TMPRSS5: variants seen among roughly 807,000 people sequenced by gnomAD.
The protein encoded by TMPRSS5 is transmembrane protease serine 5.
Under a neutral mutation model 59.7 loss-of-function variants are expected in TMPRSS5, and 45 were observed. The ratio of observed to expected loss-of-function variants is 0.75; its 90% CI spans 0.59 to 0.97. The LOEUF is 0.97. Among genes scored for constraint, TMPRSS5 ranks in the 50% least tolerant of loss-of-function variants. TMPRSS5 has a pLI of 0.00. For missense variants in TMPRSS5, 585 were observed against 596.7 expected, an observed-to-expected ratio of 0.98 and a Z score of 0.20; for synonymous variants, 225 against 232.0, an observed-to-expected ratio of 0.97 and a Z score of 0.27.
At chr11:113,699,256 T>TCTCTCC (rs1953037072) in intron 3 of TMPRSS5, among the ~76,000 whole-genome samples, 2 of 39,758 alleles carry the variant, frequency 5.0e-5, no homozygotes, top group Admixed American at 2.8e-4. Flanking sequence ...TCTCTCTCTC[T>TCTCTCC]CTCTCTCTCT....
intron 11 of TMPRSS5, 63 bp downstream of exon 11, chr11:113,690,168 G>A (rs1396649943): frequency 5.9e-6 from 6 of 1,016,210 alleles, no homozygotes; most frequent in Non-Finnish European, 7.2e-6. Flanking sequence ...AGTCACAGCA[G>A]GCCCCCTGCC....
chr11:113,696,781 C>G, intron 6 of TMPRSS5, 77 bp downstream of exon 6: 1 of 999,012 alleles, frequency 1.0e-6, no homozygotes, highest in East Asian at 2.6e-5. Context: ...ACCGGCATCC[C>G]AAGAAAGGAG....
intron 1 of TMPRSS5, among the ~76,000 whole-genome samples, chr11:113,703,638 C>T (rs1479688318): frequency 2.6e-5 from 4 of 152,198 alleles, no homozygotes; most frequent in African/African-American, 9.7e-5. Flanking sequence ...ATTGTAATTA[C>T]CACGCACTGG....
rs1480318644 is a variant in TMPRSS5, at chr11:113,689,893, A to C, written c.1231T>G (p.Cys411Gly). The C allele has an allele frequency of 3.2e-6, 5 of 1,568,040 alleles. No homozygotes were observed. ...AGGCGCCATGTGTCCCCATCTGGGC[A>C]CACTAGGGGGCCCCCGCTATCTCCC... Reference protein sequence around the residue: ...CQGDSGGPLVCPDGDTWRLVG... With the variant: ...CQGDSGGPLVGPDGDTWRLVG... Residue 411 changes from cysteine to glycine, a missense_variant, in exon 12 of 13, where the codon TGC (cysteine) becomes GGC (glycine). Physicochemically the swap from Cys to Gly is radical, Grantham distance 159. Coordinates refer to ENST00000299882, the MANE Select transcript of TMPRSS5 (RefSeq NM_030770.4).
chr11:113,702,897 A>G (rs1953183443), intron 1 of TMPRSS5, among the ~76,000 whole-genome samples: 1 of 152,230 alleles, frequency 6.6e-6, no homozygotes. Context: ...CAGAGGATGT[A>G]TGGAAACACC....
chr11:113,694,743 G>T (rs1211092477), intron 7 of TMPRSS5, 103 bp from the exon 8 acceptor site: 3 of 1,158,904 alleles, frequency 2.6e-6, no homozygotes, highest in Non-Finnish European at 3.6e-6. Flanking sequence ...CAGAGAGCCA[G>T]TGTGGACAGC....
At position 113,693,266 on chromosome 11, in the gene TMPRSS5, T is replaced by C; in HGVS notation, c.786-17A>G. ...AGCCTGAAACTGCACACAGGGGCCA[T>C]GCTGAGCGGGGAAGGAAGGGGCAGA... On this transcript the variant is annotated splice_polypyrimidine_tract_variant and intron_variant, in intron 8 of 12. Coordinates refer to ENST00000299882, the MANE Select transcript of TMPRSS5 (RefSeq NM_030770.4). 3 of 1,528,282 alleles carry C rather than the reference T, an allele frequency of 2.0e-6. No individual in the cohort carries two copies. Among genetic ancestry groups the C allele is most frequent in the Admixed American group, 2.0e-5 (1 of 49,208 alleles). 94.7% of individuals were successfully genotyped at this position (1,528,282 alleles called of 1,614,324 possible).
chr11:113,700,202 C>T, intron 1 of TMPRSS5, 34 bp from the exon 2 acceptor site: 1 of 1,488,336 alleles, frequency 6.7e-7, no homozygotes, highest in East Asian at 2.4e-5. Flanking sequence ...CCAGGATCCC[C>T]ACATCAAGGA....
intron 6 of TMPRSS5, 88 bp from the exon 7 acceptor site, chr11:113,695,531 G>T: frequency 7.5e-7 from 1 of 1,327,468 alleles, no homozygotes; most frequent in Non-Finnish European, 1.1e-6. Flanking sequence ...GGGGAGGCTG[G>T]TGGGGGTGGT....
In TMPRSS5 at chr11:113,691,892, C is replaced by CTTTTTTTTTTTTTTTTTTTTTTTTTTTTT. The variant is rs58784708; in HGVS notation, c.965-954_965-953insAAAAAAAAAAAAAAAAAAAAAAAAAAAAA. Among the ~76,000 whole-genome samples, 2 of 121,114 alleles carry CTTTTTTTTTTTTTTTTTTTTTTTTTTTTT rather than the reference C, an allele frequency of 1.7e-5. 1 individual carries two copies. Among genetic ancestry groups the CTTTTTTTTTTTTTTTTTTTTTTTTTTTTT allele is most frequent in the African/African-American group, 7.3e-5 (2 of 27,450 alleles). The allele number at this position is 121,114 out of a possible 152,430, so 79.5% of individuals were successfully genotyped here. ...AGAAAGTTTTCTTTTCCTTTTTTTTCTTTTTTTTTTTTTGAGACGGAGTCT... is the reference window on the plus strand; with the variant it reads ...AGAAAGTTTTCTTTTCCTTTTTTTTCTTTTTTTTTTTTTTTTTTTTTTTTTTTTTTTTTTTTTTTTTTGAGACGGAGTCT... On this transcript the variant is annotated intron_variant, in intron 9 of 12. Transcript: ENST00000299882.
At position 113,688,068 on chromosome 11, in the gene TMPRSS5, C is replaced by A. The variant is rs932865269; in HGVS notation, c.*192G>T. 2.3e-5 allele frequency: 19 copies of A among 835,734 alleles called. No homozygotes were observed. The highest frequency in any genetic ancestry group is 2.8e-5 in the Non-Finnish European group (17 of 605,884). 51.8% of individuals were successfully genotyped at this position (835,734 alleles called of 1,614,324 possible). ...CTAGTGAGAAAGAGGACTCTGAAAT[C>A]AGGGCCCAAGAGGAGAGACCTGTTG... On this transcript the variant is annotated 3_prime_UTR_variant, in exon 13 of 13. Coordinates refer to ENST00000299882, the MANE Select transcript of TMPRSS5 (RefSeq NM_030770.4).
At chr11:113,693,618 G>C (rs999159606) in intron 8 of TMPRSS5, 1 of 170,028 alleles carries the variant, frequency 5.9e-6, no homozygotes, top group African/African-American at 2.4e-5. Context: ...TGTGATCATG[G>C]GAGAGGCACT....
chr11:113,701,300 G>A (rs1953122480), intron 1 of TMPRSS5, among the ~76,000 whole-genome samples: 1 of 151,544 alleles, frequency 6.6e-6, no homozygotes, highest in Non-Finnish European at 1.5e-5. Context: ...CTAGAGACTT[G>A]TTAAATGGTT....
chr11:113,690,974 G>A, intron 9 of TMPRSS5, 35 bp from the exon 10 acceptor site: 1 of 1,547,464 alleles, frequency 6.5e-7, no homozygotes, highest in Non-Finnish European at 8.8e-7. Context: ...TCCCCAGTCA[G>A]GCTTGGCTTC....
At chr11:113,697,045 G>C in intron 5 of TMPRSS5, 74 bp from the exon 6 acceptor site, 1 of 1,221,414 alleles carries the variant, frequency 8.2e-7, no homozygotes, top group Non-Finnish European at 1.2e-6. Context: ...CTAGTATAGT[G>C]ACCGCAAGAC....
intron 1 of TMPRSS5, 116 bp from the exon 2 acceptor site, chr11:113,700,284 T>G (rs1366931905): frequency 9.6e-6 from 9 of 942,214 alleles, no homozygotes; most frequent in Non-Finnish European, 4.6e-6. Context: ...TTGCCACTTG[T>G]AAACCTCTAC....
At chr11:113,704,511 T>C (rs1484880533) in intron 1 of TMPRSS5, among the ~76,000 whole-genome samples, 3 of 152,226 alleles carry the variant, frequency 2.0e-5, no homozygotes, top group African/African-American at 7.2e-5. Flanking sequence ...TCCTCCATGA[T>C]CTCGCCTGGC....
intron 11 of TMPRSS5, 51 bp from the exon 12 acceptor site, chr11:113,689,968 T>A (rs1366397536): frequency 6.7e-7 from 1 of 1,485,770 alleles, no homozygotes; most frequent in East Asian, 2.5e-5. Flanking sequence ...TAGTTCTTCC[T>A]GATGGAGAGC....
chr11:113,692,013 G>A (rs908221724), intron 9 of TMPRSS5, among the ~76,000 whole-genome samples: 5 of 149,624 alleles, frequency 3.3e-5, no homozygotes, highest in Non-Finnish European at 7.4e-5. Flanking sequence ...TCAGCCTCCC[G>A]AGTAGCTGGG....
Sources: allele counts gnomAD v4.1 joint callset (sites outside exome capture counted in the v4.1 genomes callset), GRCh38; gene constraint gnomAD v4.1.1; transcripts MANE v1.5; gene names NCBI Gene and HGNC (gene_info 2026-07-23, HGNC 2026-07-21).